Variants in HEPH observed in about 807,000 individuals in gnomAD.
HEPH encodes the protein hephaestin.
HEPH carries 69 observed loss-of-function variants against 80.8 expected under a neutral mutation model. The ratio of observed to expected loss-of-function variants is 0.85; its 90% CI spans 0.70 to 1.04. The LOEUF (loss-of-function observed/expected upper bound fraction) is 1.04. Among genes scored for constraint, HEPH ranks in the 50% least tolerant of loss-of-function variants. The pLI is 0.00. For synonymous variants in HEPH, 431 were observed against 322.8 expected (o/e 1.34, Z -3.60); for missense variants, 1,115 against 891.3 (o/e 1.25, Z -3.20).
At chrX:66,193,429 G>T in intron 7 of HEPH, 73 bp from the exon 8 acceptor site, 1 of 675,114 alleles carries the variant, frequency 1.5e-6, no homozygotes, top group Non-Finnish European at 2.1e-6. Context: ...ATAACTTGGT[G>T]AGACTAAGGG....
At chrX:66,240,521 TA>T (rs34309902) in intron 15 of HEPH, among the ~76,000 whole-genome samples, 35,097 of 97,317 alleles carry the variant, frequency 0.36, 8,045 homozygotes, top group African/African-American at 0.81. Flanking sequence ...GGCTAATTAT[TA>T]AAAAAAAAAA....
chrX:66,207,333 G>C lies in HEPH; in HGVS notation c.2430G>C (p.Leu810Phe). 1 of 1,168,367 alleles carries C rather than the reference G, an allele frequency of 8.6e-7. No homozygotes were observed. Residue 810 changes from leucine to phenylalanine, a missense_variant and splice_region_variant, in exon 14 of 21, where the codon TTG becomes TTC. By Grantham distance (22) the Leu-to-Phe change is conservative. Coordinates refer to ENST00000343002, the MANE Select transcript of HEPH (RefSeq NM_001367233.3). ...GACCAGAAGAACACTTGGGAATCTT[G>C]GGTAAGGGAATTCTACTTCCCTCCT... The part of the protein sequence containing the change: ...RTGPEEHLGI[L>F]GPLIKGEVGD...
intron 6 of HEPH, among the ~76,000 whole-genome samples, chrX:66,190,877 G>A (rs927084520): frequency 1.8e-5 from 2 of 111,447 alleles, no homozygotes; most frequent in African/African-American, 6.5e-5. Flanking sequence ...TATGGATTGG[G>A]ATTAGAGATG....
intron 15 of HEPH, among the ~76,000 whole-genome samples, chrX:66,241,814 G>A (rs1358580324): frequency 9.0e-6 from 1 of 110,942 alleles, no homozygotes; most frequent in Non-Finnish European, 1.9e-5. Context: ...ATTCAGGGAG[G>A]TGGAGGATGT....
At position 66,187,996 on chromosome X, in the gene HEPH, A is replaced by T. The variant is rs769161788; in HGVS notation, c.626-363A>T. On this transcript the variant is annotated intron_variant, in intron 4 of 20. Transcript: ENST00000343002. The stretch of plus-strand genomic sequence containing the variant: ...GAGTTTAGATATGGATAAGATTGAA[A>T]GTGTGGTCATCAGGGTTTTGGAGGA... Among the ~76,000 whole-genome samples the T allele has an allele frequency of 2.7e-5, 3 of 111,733 alleles. No homozygotes were observed. The South Asian group carries it at 1.2e-3, about 43-fold the overall frequency.
intron 2 of HEPH, 99 bp from the exon 3 acceptor site, chrX:66,172,256 A>G (rs1010297188): frequency 2.5e-5 from 21 of 824,689 alleles, no homozygotes; most frequent in Non-Finnish European, 3.4e-5. Flanking sequence ...TTTGTCCTAA[A>G]CAAAGATAGT....
At chrX:66,203,870 A>G (rs2088616818) in intron 13 of HEPH, among the ~76,000 whole-genome samples, 1 of 112,448 alleles carries the variant, frequency 8.9e-6, no homozygotes, top group Non-Finnish European at 1.9e-5. Flanking sequence ...GGATTTACTC[A>G]AGGGATTGAA....
At position 66,173,691 on chromosome X, in the gene HEPH, C is replaced by T; in HGVS notation, c.515C>T (p.Ala172Val). Residue 172 changes from alanine (A) to valine (V), a missense_variant, in exon 4 of 21, where the codon GCA becomes GTA. Around this residue, in one of 3 missense-constraint regions of HEPH, gnomAD observed 391 missense variants for 343.6 expected, o/e 1.14. Coordinates refer to ENST00000343002, the MANE Select transcript of HEPH (RefSeq NM_001367233.3). ...IYNWTIPEGH[A>V]PTDADPACLT... is the part of the protein sequence containing the mutation. The stretch of plus-strand genomic sequence containing the variant: ...AACTGGACCATTCCAGAAGGCCATG[C>T]ACCCACCGATGCTGACCCAGCGTGC... The T allele has an allele frequency of 4.1e-6, 5 of 1,209,838 alleles. No individual in the cohort carries two copies. Among genetic ancestry groups the T allele is most frequent in the Non-Finnish European group, 5.6e-6 (5 of 894,087 alleles).
chrX:66,258,955 T>A lies in HEPH; in HGVS notation c.3012T>A (p.Phe1004Leu), dbSNP rs972309833. 1 of 1,202,085 alleles carries A rather than the reference T, an allele frequency of 8.3e-7. No individual in the cohort carries two copies. The highest frequency in any genetic ancestry group is 1.8e-5 in the African/African-American group (1 of 56,948). Residue 1004 changes from phenylalanine (F) to leucine (L), a missense_variant, in exon 18 of 21, where the codon TTT (phenylalanine) becomes TTA (leucine). Transcript: ENST00000343002. ...GQDVDLHTIH[F>L]HAESFLYRNG... ...ATGTGGATCTACACACCATCCACTT[T>A]CATGCAGAGAGCTTCCTCTATCGGG... is the stretch of plus-strand genomic sequence containing the variant.
chrX:66,245,298 A>T (rs2090760388), intron 15 of HEPH, among the ~76,000 whole-genome samples: 1 of 111,414 alleles, frequency 9.0e-6, no homozygotes, highest in Non-Finnish European at 1.9e-5. Context: ...TACCAAGCAA[A>T]TGGAAAACAA....
chrX:66,180,033 C>G (rs955221900), intron 4 of HEPH, among the ~76,000 whole-genome samples: 2 of 111,216 alleles, frequency 1.8e-5, no homozygotes, highest in African/African-American at 6.5e-5. Context: ...TTCCATTCTG[C>G]ATTTTTGTAT....
At chrX:66,228,987 T>G (rs1016754841) in intron 15 of HEPH, among the ~76,000 whole-genome samples, 7 of 112,440 alleles carry the variant, frequency 6.2e-5, no homozygotes, top group Non-Finnish European at 9.4e-5. Flanking sequence ...CTTAAAGAAC[T>G]AGAAGTAGAA....
chrX:66,230,526 G>A (rs1162826180), intron 15 of HEPH, among the ~76,000 whole-genome samples: 2 of 107,834 alleles, frequency 1.9e-5, no homozygotes, highest in African/African-American at 6.9e-5. Flanking sequence ...CTGATGGCCA[G>A]TGATGATGAA....
At chrX:66,251,763 G>T (rs1480820049) in intron 15 of HEPH, among the ~76,000 whole-genome samples, 1 of 111,516 alleles carries the variant, frequency 9.0e-6, no homozygotes, top group Admixed American at 9.6e-5. Flanking sequence ...TGTATTTAAG[G>T]AATAATAAGA....
At chrX:66,162,937 T>C, upstream of HEPH, 1 of 1,040,304 alleles carries the variant, frequency 9.6e-7, no homozygotes. Flanking sequence ...CCTGGGTCTG[T>C]TGGGTAGATG....
chrX:66,173,497 T>C, intron 3 of HEPH, 92 bp from the exon 4 acceptor site: 1 of 589,933 alleles, frequency 1.7e-6, no homozygotes, highest in Non-Finnish European at 2.7e-6. Context: ...AGACTGGACC[T>C]AGGGTTCTAC....
intron 19 of HEPH, among the ~76,000 whole-genome samples, chrX:66,260,639 T>C (rs1321890899): frequency 8.9e-6 from 1 of 112,630 alleles, no homozygotes; most frequent in African/African-American, 3.2e-5. Context: ...TTGACTTCAT[T>C]AGAGTAACTG....
intron 15 of HEPH, among the ~76,000 whole-genome samples, chrX:66,235,089 G>A (rs1216226589): frequency 1.8e-5 from 2 of 111,163 alleles, no homozygotes; most frequent in African/African-American, 6.5e-5. Flanking sequence ...TATAGATATT[G>A]AATATTAGAC....
downstream of HEPH, chrX:66,268,761 G>T (rs1292130499): frequency 1.8e-5 from 2 of 111,810 alleles, no homozygotes; most frequent in East Asian, 5.6e-4. Context: ...ATGTATTTTT[G>T]TGGTAAGTTT....
Sources: gnomAD v4.1 joint callset for allele counts (sites outside exome capture counted in the v4.1 genomes callset) on GRCh38, gnomAD v4.1.1 for gene constraint, gnomAD v4.1.1 regional missense constraint, MANE v1.5 for transcripts, NCBI Gene and HGNC (gene_info 2026-07-23, HGNC 2026-07-21) for gene names.